OR9Q1: variants seen among roughly 807,000 people sequenced by gnomAD.
OR9Q1 encodes olfactory receptor 9Q1.
For missense variants in OR9Q1, 374 were observed against 378.8 expected (o/e 0.99, Z 0.11); for synonymous variants, 153 against 148.6 (o/e 1.03, Z -0.22).
At chr11:58,058,721 A>T (rs1853350141) in intron 2 of OR9Q1, among the ~76,000 whole-genome samples, 1 of 152,096 alleles carries the variant, frequency 6.6e-6, no homozygotes, top group Admixed American at 6.6e-5. Flanking sequence ...TACACTGCTG[A>T]TCTTTGAGAA....
chr11:58,135,993 G>C (rs988696155), intron 2 of OR9Q1, among the ~76,000 whole-genome samples: 4 of 152,216 alleles, frequency 2.6e-5, no homozygotes, highest in African/African-American at 7.2e-5. Flanking sequence ...GAAGACGACA[G>C]ATGGGGCCTA....
At chr11:58,084,698 T>C (rs1853618640) in intron 2 of OR9Q1, among the ~76,000 whole-genome samples, 1 of 151,836 alleles carries the variant, frequency 6.6e-6, no homozygotes, top group South Asian at 2.1e-4. Context: ...AATCATATGA[T>C]CATCTCAATA....
chr11:58,169,630 A>G (rs1376487), intron 2 of OR9Q1, among the ~76,000 whole-genome samples: 63,288 of 151,932 alleles, frequency 0.42, 13,412 homozygotes, highest in Admixed American at 0.46. Flanking sequence ...AAAGCAACTC[A>G]CTTTCAGTTT....
chr11:58,176,135 A>C (rs1259340285), intron 2 of OR9Q1, among the ~76,000 whole-genome samples: 1 of 152,164 alleles, frequency 6.6e-6, no homozygotes, highest in Non-Finnish European at 1.5e-5. Flanking sequence ...ATGTGGAGCA[A>C]AGTCCTGTGC....
intron 2 of OR9Q1, chr11:58,075,340 T>C (rs1407537055): frequency 6.6e-6 from 1 of 152,196 alleles, no homozygotes; most frequent in Non-Finnish European, 1.5e-5. Context: ...GTAAGTTGTA[T>C]TCCTAGGGAT....
At chr11:58,029,646 G>A (rs1853010311) in intron 1 of OR9Q1, among the ~76,000 whole-genome samples, 1 of 152,110 alleles carries the variant, frequency 6.6e-6, no homozygotes, top group South Asian at 2.1e-4. Context: ...GGATTATTTA[G>A]TGATTCACTC....
At chr11:58,106,742 A>AAGAG (rs1377931969) in intron 2 of OR9Q1, among the ~76,000 whole-genome samples, 1 of 152,160 alleles carries the variant, frequency 6.6e-6, no homozygotes, top group African/African-American at 2.4e-5. Context: ...CCAGTTATCG[A>AAGAG]AGAGACTGTC....
Position 58,075,793 on chromosome 11 carries a change from A to T in OR9Q1, c.-15+19846A>T, listed in dbSNP as rs553998349. On this transcript the variant is annotated intron_variant, in intron 2 of 2. Coordinates refer to ENST00000335397, the MANE Select transcript of OR9Q1 (RefSeq NM_001005212.4). ...TAAAGAGGCTAAGACAAGTGATGGCATGGGATGCAGGTAATTGCATCCAAT... is the reference window on the plus strand; with the variant it reads ...TAAAGAGGCTAAGACAAGTGATGGCTTGGGATGCAGGTAATTGCATCCAAT... Among the ~76,000 whole-genome samples the T allele has an allele frequency of 3.9e-5, 6 of 152,352 alleles. No individual in the cohort carries two copies. In the South Asian group the frequency reaches 1.2e-3, roughly 32 times the overall value.
chr11:58,026,327 C>G (rs1358905428), intron 1 of OR9Q1, among the ~76,000 whole-genome samples: 1 of 152,184 alleles, frequency 6.6e-6, no homozygotes, highest in Admixed American at 6.5e-5. Flanking sequence ...AATTCTGTCT[C>G]TCAACCTTTT....
At chr11:58,107,617 G>A (rs1853854578) in intron 2 of OR9Q1, among the ~76,000 whole-genome samples, 2 of 152,136 alleles carry the variant, frequency 1.3e-5, no homozygotes, top group African/African-American at 2.4e-5. Context: ...AATCCTTTGG[G>A]TATATACCTA....
At chr11:58,149,717 G>A (rs901099077) in intron 2 of OR9Q1, among the ~76,000 whole-genome samples, 1 of 152,080 alleles carries the variant, frequency 6.6e-6, no homozygotes, top group Non-Finnish European at 1.5e-5. Context: ...TATAATATTT[G>A]TGTTTCTGTG....
intron 2 of OR9Q1, among the ~76,000 whole-genome samples, chr11:58,095,466 T>C (rs1390704418): frequency 6.6e-6 from 1 of 152,214 alleles, no homozygotes; most frequent in African/African-American, 2.4e-5. Context: ...TATTCGAGAC[T>C]GGGTAATTTA....
chr11:58,053,381 A>G (rs1477422898), intron 1 of OR9Q1, among the ~76,000 whole-genome samples: 3 of 140,058 alleles, frequency 2.1e-5, no homozygotes, highest in African/African-American at 5.3e-5. Context: ...TCTCACTCAT[A>G]GGTGGGAATT....
intron 2 of OR9Q1, among the ~76,000 whole-genome samples, chr11:58,135,365 A>G (rs1854179953): frequency 6.6e-6 from 1 of 152,134 alleles, no homozygotes; most frequent in Non-Finnish European, 1.5e-5. Flanking sequence ...CTACTTATCT[A>G]CCTGAACACA....
At chr11:58,178,288 G>A (rs931644855) in intron 2 of OR9Q1, among the ~76,000 whole-genome samples, 1 of 152,134 alleles carries the variant, frequency 6.6e-6, no homozygotes, top group South Asian at 2.1e-4. Flanking sequence ...ATTTAAGGTG[G>A]TGGACATCTA....
chr11:58,107,947 G>T (rs1427657122), intron 2 of OR9Q1, among the ~76,000 whole-genome samples: 2 of 152,084 alleles, frequency 1.3e-5, no homozygotes, highest in Non-Finnish European at 2.9e-5. Flanking sequence ...ACTTGCTACA[G>T]GTCTATCATT....
chr11:58,127,987 T>C (rs1307561781), intron 2 of OR9Q1, among the ~76,000 whole-genome samples: 1 of 152,170 alleles, frequency 6.6e-6, no homozygotes, highest in Non-Finnish European at 1.5e-5. Context: ...TCAATTTTAT[T>C]TGGCTTTCTA....
At chr11:58,081,640 C>A (rs968815843) in intron 2 of OR9Q1, among the ~76,000 whole-genome samples, 1 of 151,894 alleles carries the variant, frequency 6.6e-6, no homozygotes, top group Non-Finnish European at 1.5e-5. Flanking sequence ...CTGTTCATAT[C>A]CTTTGCCTAC....
At position 58,054,242 on chromosome 11, in the gene OR9Q1, G is replaced by A. The variant is rs1322004902; in HGVS notation, c.-92-1628G>A. Reference sequence around the variant, plus strand: ...GTGGTTTGATCTTCAAACATCTTTGGAAAAGGTGGGATTGGCTTTGATTTT... The same window carrying A: ...GTGGTTTGATCTTCAAACATCTTTGAAAAAGGTGGGATTGGCTTTGATTTT... On this transcript the variant is annotated intron_variant, in intron 1 of 2. Coordinates refer to ENST00000335397, the MANE Select transcript of OR9Q1 (RefSeq NM_001005212.4). 1.6e-4 allele frequency among the ~76,000 whole-genome samples: 25 copies of A among 152,158 alleles called. 1 individual carries two copies. The highest frequency in any genetic ancestry group is 1.6e-3 in the Admixed American group (25 of 15,274).
Sources: allele counts gnomAD v4.1 joint callset (sites outside exome capture counted in the v4.1 genomes callset), GRCh38; gene constraint gnomAD v4.1.1; transcripts MANE v1.5; gene names NCBI Gene and HGNC (gene_info 2026-07-23, HGNC 2026-07-21).